ITPRID1: variants seen among roughly 807,000 people sequenced by gnomAD.
ITPRID1 encodes the protein protein ITPRID1.
A neutral mutation model predicts 95.4 loss-of-function variants in ITPRID1; 96 were observed. The ratio of observed to expected loss-of-function variants is 1.01; its 90% CI spans 0.85 to 1.19. ITPRID1 has a LOEUF of 1.19. ITPRID1 is among the 50% of genes most tolerant of loss of function. The pLI is 0.00. For missense variants in ITPRID1, 1,339 were observed against 1,252.9 expected, an observed-to-expected ratio of 1.07 and a Z score of -1.04; for synonymous variants, 510 against 453.6, an observed-to-expected ratio of 1.12 and a Z score of -1.58.
Position 31,655,299 on chromosome 7 carries a change from C to T in ITPRID1, c.*2470C>T, listed in dbSNP as rs927816335. ...GGTCTCCTGCCCCTCTACCCTGCCC[C>T]CTCAGTCAGTCAATGACCACACCAA... is the stretch of plus-strand genomic sequence containing the variant. On this transcript the variant is annotated 3_prime_UTR_variant, in exon 15 of 15. Coordinates refer to ENST00000615280, the MANE Select transcript of ITPRID1 (RefSeq NM_001257967.3). Among the ~76,000 whole-genome samples the T allele has an allele frequency of 1.6e-4, 24 of 152,154 alleles. No homozygotes were observed. Among genetic ancestry groups the T allele is most frequent in the Non-Finnish European group, 2.4e-4 (16 of 68,042 alleles).
chr7:31,621,764 T>G lies in ITPRID1; in HGVS notation c.1229-20412T>G, dbSNP rs1361627622. ...CAAATTCACACATAACAATATTAACTTTAAATGTAAATGGACTAAATGCTC... is the reference window on the plus strand; with the variant it reads ...CAAATTCACACATAACAATATTAACGTTAAATGTAAATGGACTAAATGCTC... On this transcript the variant is annotated intron_variant, in intron 10 of 14. Coordinates refer to ENST00000615280, the MANE Select transcript of ITPRID1 (RefSeq NM_001257967.3). Among the ~76,000 whole-genome samples, 3 of 146,670 alleles carry G rather than the reference T, an allele frequency of 2.0e-5. No homozygotes were observed. In the South Asian group the frequency reaches 6.5e-4, roughly 32 times the overall value.
chr7:31,628,233 C>T (rs1056704250), intron 10 of ITPRID1, among the ~76,000 whole-genome samples: 2 of 152,116 alleles, frequency 1.3e-5, no homozygotes, highest in South Asian at 4.1e-4. Flanking sequence ...CTACTCCTAC[C>T]GGTGCCTCCC....
chr7:31,621,604 A>G (rs1787903179), intron 10 of ITPRID1, among the ~76,000 whole-genome samples: 1 of 149,082 alleles, frequency 6.7e-6, no homozygotes, highest in Admixed American at 6.7e-5. Context: ...CTCCTGAAGG[A>G]AGCACTAAAC....
chr7:31,520,554 TGTGTGTGTGTGAGA>T (rs1193042105), intron 1 of ITPRID1, among the ~76,000 whole-genome samples: 122 of 88,464 alleles, frequency 1.4e-3, no homozygotes, highest in African/African-American at 4.3e-3. Flanking sequence ...TGTGTGTGTG[TGTGTGTGTGTGAGA>T]GAGAGAGAGA....
In ITPRID1 at chr7:31,653,969, C is replaced by A. The variant is rs909409066; in HGVS notation, c.*1140C>A. The stretch of plus-strand genomic sequence containing the variant: ...GTACTGATGAAACACCTACTGTGTG[C>A]AGGCTACTATTCTAGTGCTGGAGAC... On this transcript the variant is annotated 3_prime_UTR_variant, in exon 15 of 15. Coordinates refer to ENST00000615280, the MANE Select transcript of ITPRID1 (RefSeq NM_001257967.3). 2.0e-5 allele frequency among the ~76,000 whole-genome samples: 3 copies of A among 149,068 alleles called. No homozygotes were observed. The highest frequency in any genetic ancestry group is 7.4e-5 in the African/African-American group (3 of 40,368).
intron 1 of ITPRID1, among the ~76,000 whole-genome samples, chr7:31,520,481 G>A (rs965254269): frequency 6.6e-6 from 1 of 151,052 alleles, no homozygotes; most frequent in African/African-American, 2.4e-5. Context: ...AGCTCTTTCA[G>A]TTGATTCCTG....
chr7:31,611,941 C>G (rs1045286897), intron 10 of ITPRID1, among the ~76,000 whole-genome samples: 2 of 151,726 alleles, frequency 1.3e-5, no homozygotes, highest in Non-Finnish European at 2.9e-5. Context: ...ATTCTTTATG[C>G]CTTTTTCTTT....
chr7:31,569,862 T>C (rs1221781225), intron 6 of ITPRID1, 53 bp downstream of exon 6: 2 of 1,452,978 alleles, frequency 1.4e-6, no homozygotes, highest in African/African-American at 1.4e-5. Context: ...GCCACACCTT[T>C]GCTGAATAAA....
chr7:31,529,628 G>T lies in ITPRID1; in HGVS notation c.-98+15508G>T, dbSNP rs1783530025. ...GGCTTTAGGCAAACAGACTGTCTTG[G>T]CTTTCTATGACCAACTTTTAAATAG... On this transcript the variant is annotated intron_variant, in intron 1 of 14. Coordinates refer to ENST00000615280, the MANE Select transcript of ITPRID1 (RefSeq NM_001257967.3). 5 of 661,080 alleles carry T rather than the reference G, an allele frequency of 7.6e-6. No individual in the cohort carries two copies. The Admixed American group carries it at 1.3e-4, about 17-fold the overall frequency. The allele number at this position is 661,080 out of a possible 1,614,324, so 41.0% of individuals were successfully genotyped here. A position where few individuals can be genotyped will look rare whatever the true frequency, so the allele number is the denominator to read the frequency against.
intron 1 of ITPRID1, among the ~76,000 whole-genome samples, chr7:31,522,414 G>A (rs915883669): frequency 1.3e-5 from 2 of 152,114 alleles, no homozygotes; most frequent in African/African-American, 4.8e-5. Context: ...AGCCTTCTTG[G>A]GGATACATTG....
At chr7:31,514,908 A>G (rs1460122513) in intron 1 of ITPRID1, among the ~76,000 whole-genome samples, 4 of 151,736 alleles carry the variant, frequency 2.6e-5, no homozygotes, top group Non-Finnish European at 5.9e-5. Flanking sequence ...TATAAAATAA[A>G]AGCAATTGTG....
chr7:31,538,693 G>A (rs2128132270), intron 1 of ITPRID1, among the ~76,000 whole-genome samples: 1 of 152,224 alleles, frequency 6.6e-6, no homozygotes, highest in Non-Finnish European at 1.5e-5. Context: ...AAATAGCACA[G>A]AAATAACCAC....
intron 10 of ITPRID1, among the ~76,000 whole-genome samples, chr7:31,623,735 A>C: frequency 6.9e-6 from 1 of 144,190 alleles, no homozygotes; most frequent in East Asian, 2.2e-4. Context: ...CTCTATCACC[A>C]CGCCTATTCA....
At chr7:31,594,207 T>C (rs532416087) in intron 10 of ITPRID1, among the ~76,000 whole-genome samples, 2 of 152,350 alleles carry the variant, frequency 1.3e-5, no homozygotes, top group South Asian at 4.1e-4. Flanking sequence ...GGCTATACCA[T>C]CTAACCTAGG....
Position 31,655,578 on chromosome 7 carries a change from C to A in ITPRID1, c.*2749C>A, listed in dbSNP as rs1791260222. The stretch of plus-strand genomic sequence containing the variant: ...CACAGGATCATACTTCCCAGAGCAG[C>A]CTTCCACCAGAAATAAAAGTCCAGG... On this transcript the variant is annotated 3_prime_UTR_variant, in exon 15 of 15. Coordinates refer to ENST00000615280, the MANE Select transcript of ITPRID1 (RefSeq NM_001257967.3). Among the ~76,000 whole-genome samples the A allele has an allele frequency of 6.6e-6, 1 of 152,168 alleles. No homozygotes were observed. The highest frequency in any genetic ancestry group is 1.5e-5 in the Non-Finnish European group (1 of 68,030).
chr7:31,642,296 T>C, intron 11 of ITPRID1, 38 bp downstream of exon 11: 1 of 1,364,748 alleles, frequency 7.3e-7, no homozygotes, highest in Non-Finnish European at 1.0e-6. Flanking sequence ...TGCTCATCCC[T>C]AACATCCCAC....
rs944344570 is a variant in ITPRID1 at position 31,655,889 on chromosome 7, C to T, written c.*3060C>T. The T allele has an allele frequency of 1.0e-6, 1 of 985,396 alleles. No individual in the cohort carries two copies. The highest frequency in any genetic ancestry group is 6.2e-5 in the Admixed American group (1 of 16,258). The allele number at this position is 985,396 out of a possible 1,614,324, so 61.0% of individuals were successfully genotyped here. On this transcript the variant is annotated 3_prime_UTR_variant, in exon 15 of 15. Coordinates refer to ENST00000615280, the MANE Select transcript of ITPRID1 (RefSeq NM_001257967.3). ...ACGGAATGAAGAGGAACACCTGGCTCTAGGATGTCCCTCACCTGGCAGCCA... is the reference window on the plus strand; with the variant it reads ...ACGGAATGAAGAGGAACACCTGGCTTTAGGATGTCCCTCACCTGGCAGCCA...
intron 1 of ITPRID1, among the ~76,000 whole-genome samples, chr7:31,537,838 A>G (rs923218685): frequency 6.6e-6 from 1 of 152,178 alleles, no homozygotes; most frequent in East Asian, 1.9e-4. Context: ...TTCCTAATAT[A>G]AATATTGATT....
chr7:31,520,375 A>G (rs1192800172), intron 1 of ITPRID1, among the ~76,000 whole-genome samples: 1 of 152,094 alleles, frequency 6.6e-6, no homozygotes, highest in African/African-American at 2.4e-5. Flanking sequence ...TGCACATCGC[A>G]CACCCAAGAA....
Sources: gnomAD v4.1 joint callset for allele counts (sites outside exome capture counted in the v4.1 genomes callset) on GRCh38, gnomAD v4.1.1 for gene constraint, MANE v1.5 for transcripts, NCBI Gene and HGNC (gene_info 2026-07-23, HGNC 2026-07-21) for gene names.